The following ADGRL3 variants were observed in gnomAD, a reference collection of about 807,000 sequenced individuals.
ADGRL3 encodes adhesion G protein-coupled receptor L3, also known as calcium-independent alpha-latrotoxin receptor 3.
In ADGRL3, 62 loss-of-function variants were observed where a neutral mutation model predicts 153.5. That is an observed-to-expected ratio of 0.40 (90% CI 0.33 to 0.50). The LOEUF (loss-of-function observed/expected upper bound fraction) is 0.50. Among genes scored for constraint, ADGRL3 ranks in the 20% least tolerant of loss-of-function variants. ADGRL3 has a pLI of 0.47. For missense variants in ADGRL3, 1,641 were observed against 1,859.4 expected (o/e 0.88, Z 2.16); for synonymous variants, 710 against 672.5 (o/e 1.06, Z -0.86).
intron 2 of ADGRL3, among the ~76,000 whole-genome samples, chr4:61,489,885 G>A (rs2098239146): frequency 6.6e-6 from 1 of 151,888 alleles, no homozygotes; most frequent in South Asian, 2.1e-4. Context: ...GACAATACTT[G>A]GAGTAATTTA....
intron 6 of ADGRL3, among the ~76,000 whole-genome samples, chr4:61,694,410 A>T (rs1002397508): frequency 6.6e-6 from 1 of 151,736 alleles, no homozygotes; most frequent in African/African-American, 2.4e-5. Context: ...TACAATAAAG[A>T]TTTTTATTTC....
chr4:61,730,177 T>C (rs1344315378), intron 6 of ADGRL3, among the ~76,000 whole-genome samples: 1 of 151,952 alleles, frequency 6.6e-6, no homozygotes, highest in African/African-American at 2.4e-5. Context: ...ACAAATTCTT[T>C]GAAATGCATA....
chr4:62,045,952 T>C (rs1057220060), intron 25 of ADGRL3, among the ~76,000 whole-genome samples: 4 of 151,968 alleles, frequency 2.6e-5, no homozygotes, highest in African/African-American at 9.7e-5. Flanking sequence ...TAATGTTTAG[T>C]TTGTGAAAAT....
chr4:61,946,101 G>A (rs931973243), intron 15 of ADGRL3, among the ~76,000 whole-genome samples: 19 of 152,114 alleles, frequency 1.2e-4, no homozygotes, highest in Non-Finnish European at 2.2e-4. Flanking sequence ...TCGGTTACCT[G>A]GGAAAGGTAG....
At chr4:61,446,097 A>C (rs1184906140) in intron 2 of ADGRL3, among the ~76,000 whole-genome samples, 2 of 152,184 alleles carry the variant, frequency 1.3e-5, no homozygotes, top group African/African-American at 4.8e-5. Context: ...ATATAATGAC[A>C]TTATTTCTGA....
intron 1 of ADGRL3, among the ~76,000 whole-genome samples, chr4:61,253,105 C>T (rs2091616684): frequency 6.6e-6 from 1 of 152,160 alleles, no homozygotes; most frequent in South Asian, 2.1e-4. Flanking sequence ...CCTGGGCCTT[C>T]AGGCAGCCAT....
Position 62,071,110 on chromosome 4 carries a change from T to A in ADGRL3, c.*202T>A, listed in dbSNP as rs1186838346. ...AGAAAGATAACTGCTAAAATTCCCC[T>A]GTACCCCATCCTTTCTTGTCCTTTC... On this transcript the variant is annotated 3_prime_UTR_variant, in exon 27 of 27. Transcript: ENST00000683033. 3.9e-6 allele frequency: 2 copies of A among 517,556 alleles called. No individual in the cohort carries two copies. The highest frequency in any genetic ancestry group is 1.9e-5 in the African/African-American group (1 of 52,760). The allele number at this position is 517,556 out of a possible 1,614,324, so 32.1% of individuals were successfully genotyped here. A position where few individuals can be genotyped will look rare whatever the true frequency, so the allele number is the denominator to read the frequency against.
chr4:61,201,589 CCTG>C lies in ADGRL3; in HGVS notation c.-410_-408del, dbSNP rs1734687320. On this transcript the variant is annotated 5_prime_UTR_variant, in exon 1 of 27. Transcript: ENST00000683033. Reference sequence around the variant, plus strand: ...TTTCCTTGACTGGGGTCTCCACCCTCCTGCTGCTTTCTCTGCGCTTCGATTCTC... The same window carrying C: ...TTTCCTTGACTGGGGTCTCCACCCTCCTGCTTTCTCTGCGCTTCGATTCTC... The C allele has an allele frequency of 6.6e-6, 1 of 152,396 alleles. No individual in the cohort carries two copies. The highest frequency in any genetic ancestry group is 1.5e-5 in the Non-Finnish European group (1 of 68,234). 9.4% of individuals were successfully genotyped at this position (152,396 alleles called of 1,614,324 possible).
At chr4:61,214,746 G>C (rs1470848582) in intron 1 of ADGRL3, among the ~76,000 whole-genome samples, 1 of 151,934 alleles carries the variant, frequency 6.6e-6, no homozygotes, top group Admixed American at 6.6e-5. Flanking sequence ...GACTAATCTG[G>C]GCAACATTGT....
chr4:61,974,962 G>T (rs1282558677), intron 17 of ADGRL3, among the ~76,000 whole-genome samples: 2 of 152,132 alleles, frequency 1.3e-5, no homozygotes, highest in African/African-American at 2.4e-5. Context: ...AAAATCCATT[G>T]TAGAAGAGAG....
intron 9 of ADGRL3, among the ~76,000 whole-genome samples, chr4:61,851,718 G>C (rs2098206105): frequency 6.6e-6 from 1 of 151,798 alleles, no homozygotes; most frequent in South Asian, 2.1e-4. Context: ...CTAAAATGGT[G>C]TTTCCTAAAA....
chr4:61,787,114 G>T (rs545108058), intron 8 of ADGRL3, among the ~76,000 whole-genome samples: 1 of 152,106 alleles, frequency 6.6e-6, no homozygotes, highest in African/African-American at 2.4e-5. Flanking sequence ...AACGGGAAAA[G>T]ATAAAAGGAT....
intron 1 of ADGRL3, among the ~76,000 whole-genome samples, chr4:61,364,537 T>G (rs1410774452): frequency 6.6e-6 from 1 of 152,132 alleles, no homozygotes; most frequent in Non-Finnish European, 1.5e-5. Flanking sequence ...AAATATTTAT[T>G]TATACAACTT....
At chr4:62,026,645 G>A (rs1251855058) in intron 21 of ADGRL3, among the ~76,000 whole-genome samples, 1 of 151,926 alleles carries the variant, frequency 6.6e-6, no homozygotes, top group Non-Finnish European at 1.5e-5. Flanking sequence ...ACAAAACACA[G>A]GGGCAGGGGA....
chr4:61,554,412 T>G (rs1030536877), intron 4 of ADGRL3, among the ~76,000 whole-genome samples: 3 of 152,032 alleles, frequency 2.0e-5, no homozygotes, highest in Non-Finnish European at 2.9e-5. Context: ...GTCAGGCTGG[T>G]CTCAAACTCC....
intron 1 of ADGRL3, among the ~76,000 whole-genome samples, chr4:61,327,882 A>AT (rs946353952): frequency 2.0e-5 from 3 of 152,126 alleles, no homozygotes; most frequent in African/African-American, 7.2e-5. Context: ...TTTTAAAGAA[A>AT]TAGGACTTGG....
rs114345182 is a variant in ADGRL3 at position 61,362,098 on chromosome 4, G to A, written c.-239-21026G>A. The stretch of plus-strand genomic sequence containing the variant: ...ACTCACTGCAGCCTCCACCTCCCAG[G>A]TTCATGCGATTTTCCCACCTCAGCC... On this transcript the variant is annotated intron_variant, in intron 1 of 26. Coordinates refer to ENST00000683033, the MANE Select transcript of ADGRL3 (RefSeq NM_001387552.1). Among the ~76,000 whole-genome samples, 987 of 151,010 alleles carry A rather than the reference G, an allele frequency of 6.5e-3. 7 individuals are homozygous for A. Among genetic ancestry groups the A allele is most frequent in the African/African-American group, 0.022 (906 of 41,214 alleles).
chr4:61,616,817 TA>T (rs1485558551), intron 5 of ADGRL3, among the ~76,000 whole-genome samples: 2 of 152,256 alleles, frequency 1.3e-5, no homozygotes, highest in East Asian at 1.9e-4. Context: ...CTATCATTAT[TA>T]TTTTTTTAAC....
At chr4:61,283,998 A>G (rs1159798376) in intron 1 of ADGRL3, among the ~76,000 whole-genome samples, 1 of 151,966 alleles carries the variant, frequency 6.6e-6, no homozygotes, top group Non-Finnish European at 1.5e-5. Context: ...ATACAAAATC[A>G]CAAGGTTGTA....
Sources: allele counts gnomAD v4.1 joint callset (sites outside exome capture counted in the v4.1 genomes callset), GRCh38; gene constraint gnomAD v4.1.1; transcripts MANE v1.5; gene names NCBI Gene and HGNC (gene_info 2026-07-23, HGNC 2026-07-21).